The following TMEM114 variants were observed in gnomAD, a reference collection of about 807,000 sequenced individuals.
TMEM114 encodes the protein claudin-26.
In TMEM114, 6 loss-of-function variants were observed where a neutral mutation model predicts 6.2. That is an observed-to-expected ratio of 0.97 (90% CI 0.53 to 1.91). TMEM114 has a LOEUF of 1.91. Ranked by LOEUF, TMEM114 falls within the 40% of genes most tolerant of loss-of-function variation. The probability of loss-of-function intolerance (pLI) is 0.01; values close to 1 mark genes in which losing one functional copy is unlikely to be tolerated. For synonymous variants in TMEM114, 104 were observed against 73.0 expected (o/e 1.42, Z -2.16); for missense variants, 218 against 158.3 (o/e 1.38, Z -2.02).
intron 2 of TMEM114, among the ~76,000 whole-genome samples, chr16:8,558,903 G>T (rs1011502706): frequency 1.0e-4 from 13 of 130,540 alleles, no homozygotes; most frequent in Admixed American, 3.0e-4. Context: ...ACCATGCCCA[G>T]CTAATTTTTT....
chr16:8,549,447 C>T (rs1900774720), intron 2 of TMEM114, among the ~76,000 whole-genome samples: 1 of 144,962 alleles, frequency 6.9e-6, no homozygotes, highest in Admixed American at 6.7e-5. Flanking sequence ...TTGCAGTGAG[C>T]CACGATTGAG....
Position 8,538,565 on chromosome 16 carries a change from T to C in TMEM114, n.213-739A>G, listed in dbSNP as rs1460237868. Among the ~76,000 whole-genome samples, 3 of 152,082 alleles carry C rather than the reference T, an allele frequency of 2.0e-5. No individual in the cohort carries two copies. The East Asian group carries it at 5.8e-4, about 29-fold the overall frequency. ...CTCTGTCGCCCAGGCTGGAGTGCAG[T>C]GGTGCGATCTCAGCTCACTGCAAAC... is the stretch of plus-strand genomic sequence containing the variant. On this transcript the variant is annotated intron_variant and non_coding_transcript_variant, in intron 2 of 2. Coordinates refer to the TMEM114 transcript ENST00000623677.
intron 2 of TMEM114, among the ~76,000 whole-genome samples, chr16:8,547,615 A>G (rs1339959273): frequency 6.6e-6 from 1 of 150,634 alleles, no homozygotes; most frequent in Non-Finnish European, 1.5e-5. Context: ...CTGGTCTTGA[A>G]CTCCTGACCT....
chr16:8,562,416 GTGAGTGAATAAGTGAGTGAGTGAA>G (rs1901274446), intron 2 of TMEM114, among the ~76,000 whole-genome samples: 2 of 150,732 alleles, frequency 1.3e-5, no homozygotes, highest in African/African-American at 2.5e-5. Flanking sequence ...GAGTAAATGA[GTGAGTGAATAAGTGAGTGAGTGAA>G]TGAGTGAATG....
At chr16:8,562,203 A>G (rs1447965295) in intron 2 of TMEM114, among the ~76,000 whole-genome samples, 1 of 150,716 alleles carries the variant, frequency 6.6e-6, no homozygotes, top group African/African-American at 2.5e-5. Flanking sequence ...TGAATGAGTC[A>G]GTGAATGAGT....
intron 2 of TMEM114, among the ~76,000 whole-genome samples, chr16:8,561,625 A>G (rs1901202643): frequency 6.6e-6 from 1 of 152,252 alleles, no homozygotes; most frequent in South Asian, 2.1e-4. Context: ...AAGTGAATGA[A>G]TGAATAACTA....
rs989324513 is a variant in TMEM114, at chr16:8,569,839, G to A, written c.606C>T (p.Thr202=). 6 of 1,550,908 alleles carry A rather than the reference G, an allele frequency of 3.9e-6. No homozygotes were observed. The highest frequency in any genetic ancestry group is 2.0e-5 in the Admixed American group (1 of 50,990). Residue 202 remains threonine (T), a synonymous_variant, in exon 4 of 4, where the codon ACC becomes ACT. Coordinates refer to ENST00000620492, the MANE Select transcript of TMEM114 (RefSeq NM_001146336.2). ...GWISFIAELL[T]GAAFLAAARE... ...GGGCTGCTGCCAGGAAGGCTGCCCC[G>A]GTGAGCAGCTCGGCGATGAAGCTGA... is the stretch of plus-strand genomic sequence containing the variant.
At chr16:8,564,847 G>A (rs1179360381), downstream of TMEM114, among the ~76,000 whole-genome samples, 1 of 34,314 alleles carries the variant, frequency 2.9e-5, no homozygotes, top group Non-Finnish European at 5.7e-5. Flanking sequence ...ATGAGTGAGT[G>A]AATGAGTGAG....
At chr16:8,583,259 TG>T (rs1192898977) in intron 2 of TMEM114, among the ~76,000 whole-genome samples, 1 of 152,134 alleles carries the variant, frequency 6.6e-6, no homozygotes, top group Non-Finnish European at 1.5e-5. Context: ...GTGCATCTGG[TG>T]GGTCTGCGAT....
the TMEM114 span, among the ~76,000 whole-genome samples, chr16:8,531,603 C>G: frequency 6.6e-6 from 1 of 152,208 alleles, no homozygotes; most frequent in African/African-American, 2.4e-5. Flanking sequence ...CTCAGGAACC[C>G]CGTCTGAGAC....
downstream of TMEM114, among the ~76,000 whole-genome samples, chr16:8,534,508 A>G (rs1900300223): frequency 1.3e-5 from 2 of 152,188 alleles, no homozygotes; most frequent in Non-Finnish European, 2.9e-5. Flanking sequence ...CAATGCACCT[A>G]CATCCGTAGA....
chr16:8,562,510 G>C (rs1323827729), intron 2 of TMEM114, among the ~76,000 whole-genome samples: 1 of 147,106 alleles, frequency 6.8e-6, no homozygotes, highest in Admixed American at 6.8e-5. Context: ...GTAAATGAGT[G>C]ACTGAATGAG....
chr16:8,585,553 A>T (rs201511562), intron 2 of TMEM114, among the ~76,000 whole-genome samples: 2 of 152,100 alleles, frequency 1.3e-5, no homozygotes, highest in East Asian at 3.8e-4. Flanking sequence ...TCCTTAAAGG[A>T]ATGAAACATC....
chr16:8,587,641 C>T (rs1472738746), intron 2 of TMEM114, among the ~76,000 whole-genome samples: 1 of 152,204 alleles, frequency 6.6e-6, no homozygotes, highest in African/African-American at 2.4e-5. Flanking sequence ...CCTACCAAGC[C>T]TTGTGGGCCA....
chr16:8,546,722 T>C (rs569372044), intron 2 of TMEM114, among the ~76,000 whole-genome samples: 1 of 152,292 alleles, frequency 6.6e-6, no homozygotes, highest in African/African-American at 2.4e-5. Flanking sequence ...AGATGACCAC[T>C]TGTAATTATC....
chr16:8,574,246 C>T (rs908721875), intron 2 of TMEM114, among the ~76,000 whole-genome samples: 13 of 152,108 alleles, frequency 8.5e-5, no homozygotes, highest in Admixed American at 2.0e-4. Flanking sequence ...TAAAAGTATA[C>T]GGCTCACAGA....
intron 2 of TMEM114, among the ~76,000 whole-genome samples, chr16:8,541,312 A>T (rs1900509975): frequency 6.6e-6 from 1 of 152,158 alleles, no homozygotes; most frequent in African/African-American, 2.4e-5. Context: ...AGCATCATAC[A>T]ATTTGTCATA....
At position 8,556,150 on chromosome 16, in the gene TMEM114, C is replaced by T. The variant is rs149065438; in HGVS notation, n.213-18324G>A. ...CTCACCCAGTCCATCAATTCTACCT[C>T]GTAAATGCCAAGTCTGAATTCTTCT... On this transcript the variant is annotated intron_variant and non_coding_transcript_variant, in intron 2 of 2. Coordinates refer to the TMEM114 transcript ENST00000623677. Among the ~76,000 whole-genome samples the T allele has an allele frequency of 5.8e-3, 876 of 152,308 alleles. 9 individuals are homozygous for T. The highest frequency in any genetic ancestry group is 0.02 in the African/African-American group (832 of 41,554).
intron 2 of TMEM114, among the ~76,000 whole-genome samples, chr16:8,581,062 G>T (rs565759131): frequency 1.3e-5 from 2 of 152,234 alleles, no homozygotes; most frequent in South Asian, 4.1e-4. Flanking sequence ...ATCATAATTG[G>T]CAGTATATTT....
Sources: gnomAD v4.1 joint callset for allele counts (sites outside exome capture counted in the v4.1 genomes callset) on GRCh38, gnomAD v4.1.1 for gene constraint, MANE v1.5 for transcripts, NCBI Gene and HGNC (gene_info 2026-07-23, HGNC 2026-07-21) for gene names.